KIF26B: variants seen among roughly 807,000 people sequenced by gnomAD.
The protein encoded by KIF26B is kinesin-like protein KIF26B.
Under a neutral mutation model 151.2 loss-of-function variants are expected in KIF26B, and 63 were observed. The observed-to-expected ratio is 0.42, with a 90% CI of 0.34 to 0.51. The LOEUF is 0.51. Ranked by LOEUF, KIF26B falls within the 20% of genes least tolerant of loss-of-function variation. The pLI is 0.07. For synonymous variants in KIF26B, 1,357 were observed against 1,262.1 expected (o/e 1.08, Z -1.59); for missense variants, 2,813 against 2,913.6 (o/e 0.97, Z 0.79).
chr1:245,362,404 T>G (rs1022420382), intron 2 of KIF26B, among the ~76,000 whole-genome samples: 120 of 149,170 alleles, frequency 8.0e-4, no homozygotes, highest in Non-Finnish European at 1.4e-3. Context: ...CGGGTGTGGT[T>G]GTGGGCGCCT....
At chr1:245,292,774 G>T (rs1163253732) in intron 2 of KIF26B, among the ~76,000 whole-genome samples, 1 of 152,114 alleles carries the variant, frequency 6.6e-6, no homozygotes, top group African/African-American at 2.4e-5. Context: ...ATGTGTATCT[G>T]CTAGGCCATT....
At chr1:245,331,495 C>T (rs568152067) in intron 2 of KIF26B, among the ~76,000 whole-genome samples, 9 of 152,314 alleles carry the variant, frequency 5.9e-5, no homozygotes, top group East Asian at 1.9e-4. Context: ...CAGAACATCG[C>T]GTCCACCCTG....
intron 3 of KIF26B, among the ~76,000 whole-genome samples, chr1:245,370,326 T>G (rs371217095): frequency 2.6e-5 from 4 of 152,054 alleles, no homozygotes; most frequent in Admixed American, 6.5e-5. Flanking sequence ...TATGGAGATG[T>G]CCTCATTTAT....
intron 5 of KIF26B, among the ~76,000 whole-genome samples, chr1:245,570,950 A>G (rs943521983): frequency 2.0e-5 from 3 of 152,230 alleles, no homozygotes; most frequent in South Asian, 4.1e-4. Context: ...ATATCATCAA[A>G]TCTAACATGT....
chr1:245,190,654 T>TTA (rs397789388), intron 2 of KIF26B, among the ~76,000 whole-genome samples: 10 of 149,814 alleles, frequency 6.7e-5, no homozygotes, highest in Non-Finnish European at 1.0e-4. Flanking sequence ...TTTTTTTTTT[T>TTA]ACATTTCTTA....
chr1:245,229,756 T>G (rs1023890201), intron 2 of KIF26B, among the ~76,000 whole-genome samples: 1 of 152,248 alleles, frequency 6.6e-6, no homozygotes, highest in Non-Finnish European at 1.5e-5. Context: ...GTGACTGTCA[T>G]CTGAATCTTA....
chr1:245,228,295 G>A (rs1669918552), intron 2 of KIF26B, among the ~76,000 whole-genome samples: 1 of 152,138 alleles, frequency 6.6e-6, no homozygotes, highest in South Asian at 2.1e-4. Context: ...GCATGCAAGG[G>A]GCATCTCCAG....
At chr1:245,421,566 C>T (rs1401496826) in intron 4 of KIF26B, among the ~76,000 whole-genome samples, 2 of 152,124 alleles carry the variant, frequency 1.3e-5, no homozygotes, top group Non-Finnish European at 2.9e-5. Flanking sequence ...ATTCAATGCT[C>T]AGATGGGAAT....
At chr1:245,177,208 C>G (rs1668823366) in intron 2 of KIF26B, among the ~76,000 whole-genome samples, 1 of 152,202 alleles carries the variant, frequency 6.6e-6, no homozygotes, top group African/African-American at 2.4e-5. Context: ...GCCTTGGCCT[C>G]TCAAAGTGCT....
chr1:245,425,967 A>G (rs1658639325), intron 4 of KIF26B, among the ~76,000 whole-genome samples: 1 of 152,114 alleles, frequency 6.6e-6, no homozygotes, highest in Admixed American at 6.5e-5. Flanking sequence ...CCAAATTCTA[A>G]TCAGATTTCC....
intron 2 of KIF26B, among the ~76,000 whole-genome samples, chr1:245,220,307 C>G (rs1400888248): frequency 6.6e-6 from 1 of 152,216 alleles, no homozygotes; most frequent in East Asian, 1.9e-4. Context: ...CCGTCTAATT[C>G]TCACAGTAAC....
chr1:245,499,144 CAAAGAGAAAGATGT>C (rs766683692), intron 4 of KIF26B, among the ~76,000 whole-genome samples: 6 of 152,090 alleles, frequency 3.9e-5, no homozygotes, highest in Middle Eastern at 3.4e-3. Flanking sequence ...TACCTTCGCC[CAAAGAGAAAGATGT>C]ATGGGAGCTT....
At chr1:245,354,719 G>A (rs948422691) in intron 2 of KIF26B, among the ~76,000 whole-genome samples, 3 of 152,172 alleles carry the variant, frequency 2.0e-5, no homozygotes, top group Non-Finnish European at 2.9e-5. Flanking sequence ...GCTGTTTAGA[G>A]TTCAGTACCT....
intron 3 of KIF26B, among the ~76,000 whole-genome samples, chr1:245,416,293 A>AAAG (rs35442012): frequency 9.1e-5 from 4 of 44,020 alleles, no homozygotes; most frequent in African/African-American, 1.4e-4. Context: ...AAAAAAAAAA[A>AAAG]AAAAAAGAAT....
At chr1:245,165,476 CT>C (rs1025970020) in intron 2 of KIF26B, among the ~76,000 whole-genome samples, 1 of 152,182 alleles carries the variant, frequency 6.6e-6, no homozygotes, top group Admixed American at 6.5e-5. Context: ...GTCCAATGGG[CT>C]CCTGTTGGCG....
intron 2 of KIF26B, among the ~76,000 whole-genome samples, chr1:245,247,466 T>A (rs904168835): frequency 7.2e-5 from 11 of 151,868 alleles, no homozygotes; most frequent in Non-Finnish European, 1.6e-4. Context: ...TTAAAAAAAA[T>A]AAAAATAAAA....
intron 9 of KIF26B, among the ~76,000 whole-genome samples, chr1:245,640,395 A>G (rs942283044): frequency 6.6e-6 from 1 of 151,272 alleles, no homozygotes; most frequent in African/African-American, 2.4e-5. Flanking sequence ...CTGTTAGTCT[A>G]TGTGTGTCTC....
chr1:245,594,708 G>C (rs1378569251), intron 5 of KIF26B, among the ~76,000 whole-genome samples: 1 of 152,190 alleles, frequency 6.6e-6, no homozygotes, highest in African/African-American at 2.4e-5. Flanking sequence ...TATGAAGAAA[G>C]TCAATGGTAG....
chr1:245,329,004 G>T (rs1412699968), intron 2 of KIF26B, among the ~76,000 whole-genome samples: 1 of 152,176 alleles, frequency 6.6e-6, no homozygotes, highest in Non-Finnish European at 1.5e-5. Flanking sequence ...TCATTTTGTA[G>T]TTCTGTGCAA....
Sources: gnomAD v4.1 joint callset for allele counts (sites outside exome capture counted in the v4.1 genomes callset) on GRCh38, gnomAD v4.1.1 for gene constraint, MANE v1.5 for transcripts, NCBI Gene and HGNC (gene_info 2026-07-23, HGNC 2026-07-21) for gene names.